ALDH1A1: variants seen among roughly 807,000 people sequenced by gnomAD.
The protein encoded by ALDH1A1 is aldehyde dehydrogenase 1 family member A1.
A neutral mutation model predicts 62.1 loss-of-function variants in ALDH1A1; 19 were observed. The observed-to-expected ratio is 0.31, with a 90% CI of 0.21 to 0.45. ALDH1A1 has a LOEUF of 0.45. Ranked by LOEUF, ALDH1A1 falls within the 20% of genes least tolerant of loss-of-function variation. The probability of loss-of-function intolerance (pLI) is 1.00; values close to 1 mark genes in which losing one functional copy is unlikely to be tolerated. For synonymous variants in ALDH1A1, 231 were observed against 215.9 expected (o/e 1.07, Z -0.61); for missense variants, 521 against 607.1 (o/e 0.86, Z 1.49).
intron 9 of ALDH1A1, among the ~76,000 whole-genome samples, chr9:72,913,483 A>C (rs1830017366): frequency 1.3e-5 from 2 of 152,186 alleles, no homozygotes; most frequent in South Asian, 2.1e-4. Context: ...ATAAATAGTC[A>C]AGGGTCCATG....
chr9:72,914,927 G>C (rs1830041672), intron 9 of ALDH1A1, among the ~76,000 whole-genome samples: 2 of 151,954 alleles, frequency 1.3e-5, no homozygotes, highest in Admixed American at 1.3e-4. Flanking sequence ...AACCACCCCT[G>C]GATGAGGCAA....
intron 5 of ALDH1A1, 60 bp downstream of exon 5, chr9:72,927,049 CTTCATCA>C (rs1830220822): frequency 1.7e-6 from 2 of 1,145,040 alleles, no homozygotes; most frequent in Non-Finnish European, 2.5e-6. Context: ...TTAGAGAAAG[CTTCATCA>C]TTAGATAGAA....
rs761612332 is a variant in ALDH1A1, at chr9:72,930,892, C to T, written c.299G>A (p.Arg100His). 3.7e-6 allele frequency: 6 copies of T among 1,613,890 alleles called. No individual in the cohort carries two copies. Among genetic ancestry groups the T allele is most frequent in the East Asian group, 2.2e-5 (1 of 44,886 alleles). ...GATAATACTCACCGCCAGCAGCAGA[C>T]GATCTCTTTCGATTAAATCAGCCAA... Reference protein sequence around the residue: ...YKLADLIERDRLLLATMESMN... With the variant: ...YKLADLIERDHLLLATMESMN... The change falls in exon 3 of 13, where the codon CGT becomes CAT. Residue 100 changes from arginine (R) to histidine (H), a missense_variant. Arg to His is a conservative substitution (Grantham distance 29). Coordinates refer to ENST00000297785, the MANE Select transcript of ALDH1A1 (RefSeq NM_000689.5).
intron 10 of ALDH1A1, 137 bp downstream of exon 10, chr9:72,911,821 A>G: frequency 9.7e-7 from 1 of 1,029,338 alleles, no homozygotes; most frequent in Non-Finnish European, 1.4e-6. Flanking sequence ...TTAAACCTCT[A>G]TCAAGAACAG....
intron 2 of ALDH1A1, among the ~76,000 whole-genome samples, chr9:72,934,430 T>G (rs1830322391): frequency 6.6e-6 from 1 of 152,190 alleles, no homozygotes; most frequent in Non-Finnish European, 1.5e-5. Context: ...TGTTTACACC[T>G]GTTCCCTTTC....
At chr9:72,910,022 C>T (rs540315144) in intron 10 of ALDH1A1, among the ~76,000 whole-genome samples, 11 of 152,252 alleles carry the variant, frequency 7.2e-5, no homozygotes, top group Admixed American at 6.5e-4. Flanking sequence ...TGGAATTAAG[C>T]TTTCAAGAAC....
intron 1 of ALDH1A1, among the ~76,000 whole-genome samples, chr9:72,951,282 C>A (rs1830541934): frequency 6.6e-6 from 1 of 151,808 alleles, no homozygotes; most frequent in South Asian, 2.1e-4. Context: ...TTCATTAGGT[C>A]TGTGCTTGTA....
chr9:72,916,056 G>A (rs1042170442), intron 9 of ALDH1A1, among the ~76,000 whole-genome samples: 35 of 152,304 alleles, frequency 2.3e-4, no homozygotes, highest in African/African-American at 8.4e-4. Context: ...TCATGGGGCT[G>A]TCCTGGTCAC....
chr9:72,946,529 T>C (rs1278635427), intron 1 of ALDH1A1, among the ~76,000 whole-genome samples: 1 of 151,994 alleles, frequency 6.6e-6, no homozygotes, highest in Non-Finnish European at 1.5e-5. Flanking sequence ...TTTTGCTATA[T>C]ACATCTATAC....
chr9:72,926,728 T>C (rs2118535330), intron 5 of ALDH1A1, among the ~76,000 whole-genome samples: 1 of 152,324 alleles, frequency 6.6e-6, no homozygotes, highest in Non-Finnish European at 1.5e-5. Context: ...CGTTGGAGAA[T>C]AGTAGGCCCC....
chr9:72,922,735 C>T (rs528442094), intron 7 of ALDH1A1, among the ~76,000 whole-genome samples: 77 of 152,242 alleles, frequency 5.1e-4, no homozygotes, highest in Middle Eastern at 3.4e-3. Flanking sequence ...CACCTTTATT[C>T]CTCTGGTATG....
Position 72,901,994 on chromosome 9 carries a change from GA to G in ALDH1A1, c.1434-715del, listed in dbSNP as rs139132796. On this transcript the variant is annotated intron_variant, in intron 12 of 12. Transcript: ENST00000297785. ...TTTTAAATTGTTTTCTTTTTAAGAG[GA>G]GGAAGATGATAGATTGGTCTAAATT... 1.1e-3 allele frequency among the ~76,000 whole-genome samples: 160 copies of G among 152,092 alleles called. 2 individuals carry two copies. Among genetic ancestry groups the G allele is most frequent in the African/African-American group, 3.6e-3 (151 of 41,530 alleles).
intron 1 of ALDH1A1, among the ~76,000 whole-genome samples, chr9:72,948,912 A>G (rs191666653): frequency 6.6e-6 from 1 of 152,034 alleles, no homozygotes; most frequent in East Asian, 1.9e-4. Context: ...AAGTTCATGT[A>G]GCTGAATTTG....
intron 1 of ALDH1A1, among the ~76,000 whole-genome samples, chr9:72,947,961 T>C (rs1479899375): frequency 2.6e-5 from 4 of 151,744 alleles, no homozygotes; most frequent in African/African-American, 9.7e-5. Context: ...ATTCTAGGAG[T>C]CATCTTGGGA....
intron 9 of ALDH1A1, among the ~76,000 whole-genome samples, chr9:72,912,596 C>G (rs1008727040): frequency 6.6e-6 from 1 of 152,130 alleles, no homozygotes; most frequent in Non-Finnish European, 1.5e-5. Flanking sequence ...TCTGTTTGAT[C>G]TCCCCATTTC....
chr9:72,906,486 A>G (rs1015683333), intron 11 of ALDH1A1, among the ~76,000 whole-genome samples: 5 of 152,196 alleles, frequency 3.3e-5, no homozygotes, highest in Non-Finnish European at 7.4e-5. Flanking sequence ...CATATTACTC[A>G]GTTAATTTTT....
intron 1 of ALDH1A1, among the ~76,000 whole-genome samples, chr9:72,942,768 A>T (rs1484766629): frequency 6.6e-6 from 1 of 152,082 alleles, no homozygotes; most frequent in East Asian, 1.9e-4. Context: ...ACTGTTCTTT[A>T]GACTAGAGTT....
chr9:72,921,231 G>T (rs1257915977), intron 7 of ALDH1A1, among the ~76,000 whole-genome samples: 1 of 138,656 alleles, frequency 7.2e-6, no homozygotes, highest in Non-Finnish European at 1.5e-5. Context: ...GACAGTGCAC[G>T]ACTCCTCTCA....
At chr9:72,944,326 C>T (rs143263144) in intron 1 of ALDH1A1, among the ~76,000 whole-genome samples, 1 of 152,156 alleles carries the variant, frequency 6.6e-6, no homozygotes, top group East Asian at 1.9e-4. Context: ...TGAATTATGC[C>T]ATTCTCCCAC....
Sources: allele counts gnomAD v4.1 joint callset (sites outside exome capture counted in the v4.1 genomes callset), GRCh38; gene constraint gnomAD v4.1.1; transcripts MANE v1.5; gene names NCBI Gene and HGNC (gene_info 2026-07-23, HGNC 2026-07-21).